Variants in ARHGAP15 observed in about 807,000 individuals in gnomAD.
ARHGAP15 encodes Rho GTPase activating protein 15.
Under a neutral mutation model 63.7 loss-of-function variants are expected in ARHGAP15, and 51 were observed. The ratio of observed to expected loss-of-function variants is 0.80; its 90% confidence interval spans 0.64 to 1.01. ARHGAP15 has a LOEUF of 1.01. ARHGAP15 is among the 50% of genes least tolerant of loss of function. The probability of loss-of-function intolerance (pLI) is 0.00; values close to 1 mark genes in which losing one functional copy is unlikely to be tolerated. For missense variants in ARHGAP15, 560 were observed against 564.6 expected (o/e 0.99, Z 0.08); for synonymous variants, 191 against 193.8 (o/e 0.99, Z 0.12).
At chr2:143,239,764 G>A (rs563024037) in intron 5 of ARHGAP15, among the ~76,000 whole-genome samples, 3 of 152,206 alleles carry the variant, frequency 2.0e-5, no homozygotes, top group South Asian at 2.1e-4. Flanking sequence ...CCCAAGGCAG[G>A]TGGATCACCT....
chr2:143,317,422 G>A (rs1305765892), intron 6 of ARHGAP15, among the ~76,000 whole-genome samples: 1 of 152,104 alleles, frequency 6.6e-6, no homozygotes, highest in African/African-American at 2.4e-5. Context: ...TAAACAATAG[G>A]CATATATTGC....
At chr2:143,530,690 A>G (rs1008407139) in intron 10 of ARHGAP15, among the ~76,000 whole-genome samples, 6 of 152,026 alleles carry the variant, frequency 3.9e-5, no homozygotes. Flanking sequence ...CATGTTTCTG[A>G]TTATCTTCTC....
At chr2:143,718,069 G>T (rs1684886202) in intron 13 of ARHGAP15, among the ~76,000 whole-genome samples, 1 of 151,752 alleles carries the variant, frequency 6.6e-6, no homozygotes, top group Admixed American at 6.6e-5. Context: ...CTTAACACAG[G>T]GTATCTGCAA....
chr2:143,199,979 A>C (rs1692045110), intron 2 of ARHGAP15, among the ~76,000 whole-genome samples: 1 of 152,140 alleles, frequency 6.6e-6, no homozygotes. Context: ...ACCACGTCCA[A>C]TGGACAACAA....
intron 11 of ARHGAP15, among the ~76,000 whole-genome samples, chr2:143,620,974 C>T (rs1413456312): frequency 1.3e-5 from 2 of 152,146 alleles, no homozygotes; most frequent in African/African-American, 4.8e-5. Context: ...TTTTCTAGTT[C>T]CCTGACCACC....
At chr2:143,614,518 G>C (rs768025974) in intron 11 of ARHGAP15, among the ~76,000 whole-genome samples, 1 of 152,244 alleles carries the variant, frequency 6.6e-6, no homozygotes, top group Middle Eastern at 3.4e-3. Flanking sequence ...AAATAATGCT[G>C]TGTGTGTATA....
chr2:143,490,006 T>A (rs1463558954), intron 9 of ARHGAP15, among the ~76,000 whole-genome samples: 3 of 152,178 alleles, frequency 2.0e-5, no homozygotes, highest in African/African-American at 4.8e-5. Context: ...TTTTTGTTTT[T>A]GTTTTTGTTT....
intron 13 of ARHGAP15, among the ~76,000 whole-genome samples, chr2:143,710,219 A>G (rs1684520460): frequency 6.6e-6 from 1 of 152,106 alleles, no homozygotes; most frequent in African/African-American, 2.4e-5. Context: ...ATAAGCCAGA[A>G]GCTTCATAGC....
intron 13 of ARHGAP15, among the ~76,000 whole-genome samples, chr2:143,715,637 A>G (rs1453079858): frequency 6.6e-6 from 1 of 152,208 alleles, no homozygotes; most frequent in African/African-American, 2.4e-5. Context: ...TGTCAGATGC[A>G]GAGATTGCAA....
At chr2:143,518,508 T>G (rs1693919719) in intron 9 of ARHGAP15, among the ~76,000 whole-genome samples, 1 of 152,238 alleles carries the variant, frequency 6.6e-6, no homozygotes, top group African/African-American at 2.4e-5. Context: ...CAGCACACAT[T>G]GGCATATCAT....
chr2:143,765,433 T>G (rs1686915850), intron 13 of ARHGAP15, among the ~76,000 whole-genome samples: 1 of 152,066 alleles, frequency 6.6e-6, no homozygotes, highest in Non-Finnish European at 1.5e-5. Context: ...AAAAGAAACT[T>G]TAAATTTGAA....
chr2:143,664,106 T>A (rs1467755638), intron 12 of ARHGAP15, among the ~76,000 whole-genome samples: 1 of 151,942 alleles, frequency 6.6e-6, no homozygotes, highest in Middle Eastern at 3.2e-3. Flanking sequence ...CAACAGAATA[T>A]ACATTTTTTT....
chr2:143,310,296 A>T (rs1447587677), intron 6 of ARHGAP15, among the ~76,000 whole-genome samples: 4 of 152,086 alleles, frequency 2.6e-5, no homozygotes, highest in Admixed American at 2.6e-4. Context: ...CATTTTTGCA[A>T]GAAAGATGTT....
intron 12 of ARHGAP15, among the ~76,000 whole-genome samples, chr2:143,630,881 A>G (rs1199077007): frequency 2.6e-5 from 4 of 152,008 alleles, no homozygotes; most frequent in African/African-American, 7.2e-5. Context: ...CTTAACTTTG[A>G]TAAGTTTTGA....
chr2:143,444,329 G>A (rs1462399415), intron 8 of ARHGAP15, among the ~76,000 whole-genome samples: 1 of 152,148 alleles, frequency 6.6e-6, no homozygotes, highest in Non-Finnish European at 1.5e-5. Flanking sequence ...TCCTCAGAAA[G>A]TGTCCTTTTG....
At chr2:143,180,894 C>G (rs537613691) in intron 2 of ARHGAP15, among the ~76,000 whole-genome samples, 53 of 152,172 alleles carry the variant, frequency 3.5e-4, no homozygotes, top group African/African-American at 1.3e-3. Context: ...AGAATGGTCT[C>G]GATCTCCTGA....
chr2:143,698,208 A>G (rs916520612), intron 12 of ARHGAP15, among the ~76,000 whole-genome samples: 22 of 152,176 alleles, frequency 1.4e-4, no homozygotes, highest in African/African-American at 5.1e-4. Context: ...TATAAGAACA[A>G]TAAAGGCATG....
intron 12 of ARHGAP15, among the ~76,000 whole-genome samples, chr2:143,660,187 TA>T (rs1476971083): frequency 6.6e-6 from 1 of 152,232 alleles, no homozygotes; most frequent in Non-Finnish European, 1.5e-5. Context: ...ACCTATTACT[TA>T]AAGTGTACCA....
At chr2:143,358,392 G>GA in intron 6 of ARHGAP15, among the ~76,000 whole-genome samples, 1 of 152,052 alleles carries the variant, frequency 6.6e-6, no homozygotes, top group Non-Finnish European at 1.5e-5. Context: ...AGACATGATT[G>GA]AAAATGTGTA....
Sources: gnomAD v4.1 joint callset for allele counts (sites outside exome capture counted in the v4.1 genomes callset) on GRCh38, gnomAD v4.1.1 for gene constraint, MANE v1.5 for transcripts, NCBI Gene and HGNC (gene_info 2026-07-23, HGNC 2026-07-21) for gene names.